The following PDE8B variants were observed in gnomAD, a reference collection of about 807,000 sequenced individuals.
The protein encoded by PDE8B is phosphodiesterase 8B.
Under a neutral mutation model 101.3 loss-of-function variants are expected in PDE8B, and 26 were observed. The ratio of observed to expected loss-of-function variants is 0.26; its 90% CI spans 0.19 to 0.36. The LOEUF is 0.36. Ranked by LOEUF, PDE8B falls within the 10% of genes least tolerant of loss-of-function variation. PDE8B has a pLI of 1.00. For missense variants in PDE8B, 810 were observed against 1,163.1 expected, an observed-to-expected ratio of 0.70 and a Z score of 4.42; for synonymous variants, 424 against 429.3, an observed-to-expected ratio of 0.99 and a Z score of 0.15.
upstream of PDE8B, among the ~76,000 whole-genome samples, chr5:77,208,980 T>C (rs1747745133): frequency 6.6e-6 from 1 of 152,062 alleles, no homozygotes; most frequent in Non-Finnish European, 1.5e-5. Context: ...CCTCCCTCCA[T>C]TCCCTCCCTT....
chr5:77,220,130 G>T (rs959765156), intron 1 of PDE8B, among the ~76,000 whole-genome samples: 1 of 152,184 alleles, frequency 6.6e-6, no homozygotes, highest in Non-Finnish European at 1.5e-5. Flanking sequence ...GTAGACTCTT[G>T]CAGGTCCTCC....
At chr5:77,144,210 G>T in the PDE8B span, 1 of 152,370 alleles carries the variant, frequency 6.6e-6, no homozygotes, top group Non-Finnish European at 1.5e-5. Flanking sequence ...TTGGCAGTCA[G>T]GATGTCTCCA....
chr5:77,287,974 A>G (rs554166934), intron 1 of PDE8B, among the ~76,000 whole-genome samples: 5 of 151,822 alleles, frequency 3.3e-5, no homozygotes, highest in African/African-American at 1.2e-4. Context: ...TTTTTCCCTT[A>G]TAACTGCTTA....
the PDE8B span, chr5:77,098,757 T>G: frequency 0.22 from 33,347 of 151,886 alleles, 4,417 homozygotes; most frequent in Admixed American, 0.34. Flanking sequence ...GGTGAGAGCC[T>G]TTTTGCATTA....
chr5:77,411,985 G>T, intron 15 of PDE8B, 115 bp from the exon 16 acceptor site: 1 of 1,081,700 alleles, frequency 9.2e-7, no homozygotes, highest in South Asian at 1.3e-5. Flanking sequence ...TTCAATAACA[G>T]AAAAATCAGG....
intron 10 of PDE8B, among the ~76,000 whole-genome samples, chr5:77,366,477 C>T (rs143499645): frequency 9.8e-4 from 149 of 152,280 alleles, no homozygotes; most frequent in South Asian, 2.1e-3. Context: ...GCCCTGGGGT[C>T]GGTCAGCTGT....
rs546357717 is a variant in PDE8B at position 77,309,152 on chromosome 5, C to G, written c.340-2842C>G. 6.4e-5 allele frequency among the ~76,000 whole-genome samples: 9 copies of G among 139,540 alleles called. No homozygotes were observed. The East Asian group carries it at 2.2e-3, about 34-fold the overall frequency. 91.5% of individuals were successfully genotyped at this position (139,540 alleles called of 152,430 possible). A position where few individuals can be genotyped will look rare whatever the true frequency, so the allele number is the denominator to read the frequency against. ...CAAGAAGGCACCACTGCACTCCAGC[C>G]TGGGCGACAGAGTGAAACTCTGTCA... is the stretch of plus-strand genomic sequence containing the variant. On this transcript the variant is annotated intron_variant, in intron 1 of 21. Transcript: ENST00000264917.
At position 77,243,765 on chromosome 5, in the gene PDE8B, G is replaced by A. The variant is rs992807; in HGVS notation, c.339+32501G>A. Among the ~76,000 whole-genome samples the A allele has an allele frequency of 1.3e-4, 20 of 152,244 alleles. No individual in the cohort carries two copies. In the East Asian group the frequency reaches 3.9e-3, roughly 29 times the overall value. On this transcript the variant is annotated intron_variant, in intron 1 of 21. Coordinates refer to ENST00000264917, the MANE Select transcript of PDE8B (RefSeq NM_003719.5). The stretch of plus-strand genomic sequence containing the variant: ...TTCATCAGTTGGTGGACATTTTGGT[G>A]ATTTTTAAATTTTTGCTATTATAAG...
rs755918113 is a variant in PDE8B at position 77,418,454 on chromosome 5, G to T, written c.2129+8G>T. 1 of 1,597,330 alleles carries T rather than the reference G, an allele frequency of 6.3e-7. No individual in the cohort carries two copies. Among genetic ancestry groups the T allele is most frequent in the Non-Finnish European group, 8.6e-7 (1 of 1,165,846 alleles). On this transcript the variant is annotated splice_region_variant and intron_variant, in intron 18 of 21. Coordinates refer to ENST00000264917, the MANE Select transcript of PDE8B (RefSeq NM_003719.5). ...TTTCAAGAATATTGACAGGTTTGTT[G>T]TGCTGGGGCTCCTGTGCTCAAGTTT...
chr5:77,322,136 G>A (rs917833120), intron 2 of PDE8B, among the ~76,000 whole-genome samples: 1 of 152,132 alleles, frequency 6.6e-6, no homozygotes, highest in Non-Finnish European at 1.5e-5. Context: ...GGTGGTTCTA[G>A]TTGTCTGGTA....
At chr5:77,279,756 C>T (rs990446316) in intron 1 of PDE8B, among the ~76,000 whole-genome samples, 2 of 152,212 alleles carry the variant, frequency 1.3e-5, no homozygotes, top group African/African-American at 4.8e-5. Context: ...AAAGTCTGCA[C>T]TTGAATTACC....
the PDE8B span, among the ~76,000 whole-genome samples, chr5:77,109,189 C>T: frequency 6.6e-6 from 1 of 152,238 alleles, no homozygotes; most frequent in African/African-American, 2.4e-5. Flanking sequence ...GGACTCTGCC[C>T]TGTCACCACA....
At chr5:77,167,757 C>T in the PDE8B span, among the ~76,000 whole-genome samples, 17 of 152,118 alleles carry the variant, frequency 1.1e-4, no homozygotes, top group African/African-American at 3.1e-4. Flanking sequence ...ATGAGTAGAA[C>T]GGATTGTGAC....
chr5:77,147,252 G>A, the PDE8B span: 4 of 272,972 alleles, frequency 1.5e-5, no homozygotes, highest in South Asian at 8.6e-5. Context: ...ACATTGAGAT[G>A]TAAGGCTGTG....
chr5:77,296,570 A>G (rs1768629078), intron 1 of PDE8B, among the ~76,000 whole-genome samples: 1 of 152,160 alleles, frequency 6.6e-6, no homozygotes, highest in Non-Finnish European at 1.5e-5. Context: ...GAGATTTCCA[A>G]ACAGAAGTCA....
chr5:77,387,298 G>T (rs1788914235), intron 10 of PDE8B, among the ~76,000 whole-genome samples: 1 of 152,120 alleles, frequency 6.6e-6, no homozygotes, highest in South Asian at 2.1e-4. Flanking sequence ...TGTCTGTAAA[G>T]GATTTTATTT....
chr5:77,367,530 CTTTTTTTT>C (rs3031815), intron 10 of PDE8B, among the ~76,000 whole-genome samples: 2 of 109,494 alleles, frequency 1.8e-5, no homozygotes, highest in Non-Finnish European at 1.9e-5. Context: ...CTTTTTCTCT[CTTTTTTTT>C]TTTTTTTTTT....
At chr5:77,343,873 C>CTTTTTTTTTTTTTTTTTTTA (rs1779672088) in intron 6 of PDE8B, among the ~76,000 whole-genome samples, 1 of 126,508 alleles carries the variant, frequency 7.9e-6, no homozygotes, top group African/African-American at 3.0e-5. Flanking sequence ...ATTTTTAAAT[C>CTTTTTTTTTTTTTTTTTTTA]TTTTTTTTTT....
chr5:77,261,973 T>C (rs548432860), intron 1 of PDE8B, among the ~76,000 whole-genome samples: 44 of 152,346 alleles, frequency 2.9e-4, no homozygotes, highest in African/African-American at 1.0e-3. Context: ...TTTTCCTCTC[T>C]GCAGCTTTCT....
Sources: gnomAD v4.1 joint callset for allele counts (sites outside exome capture counted in the v4.1 genomes callset) on GRCh38, gnomAD v4.1.1 for gene constraint, MANE v1.5 for transcripts, NCBI Gene and HGNC (gene_info 2026-07-23, HGNC 2026-07-21) for gene names.